The following CMTM4 variants were observed in gnomAD, a reference collection of about 807,000 sequenced individuals.
The protein encoded by CMTM4 is CKLF like MARVEL transmembrane domain containing 4, also known as CKLF-like MARVEL transmembrane domain-containing protein 4.
Under a neutral mutation model 19.0 loss-of-function variants are expected in CMTM4, and 8 were observed. The observed-to-expected ratio is 0.42, with a 90% confidence interval of 0.25 to 0.76. The LOEUF is 0.76. Among genes scored for constraint, CMTM4 ranks in the 30% least tolerant of loss-of-function variants. CMTM4 has a pLI of 0.27. For missense variants in CMTM4, 228 were observed against 290.2 expected (o/e 0.79, Z 1.56); for synonymous variants, 106 against 121.1 (o/e 0.88, Z 0.82).
chr16:66,609,623 GC>G, the CMTM4 span: 3 of 1,512,924 alleles, frequency 2.0e-6, no homozygotes, highest in Non-Finnish European at 1.8e-6. This position sits in a 1 kb window ranked among gnomAD's most constrained non-coding sequence, Gnocchi z 4.4. Context: ...CCCTGCTGGG[GC>G]CCCCCTGGGG....
chr16:66,631,154 C>T (rs944285154), intron 2 of CMTM4, among the ~76,000 whole-genome samples: 5 of 151,746 alleles, frequency 3.3e-5, no homozygotes, highest in South Asian at 2.1e-4. Context: ...GCCACCCCGT[C>T]CGGGAGGGAG....
intron 1 of CMTM4, among the ~76,000 whole-genome samples, chr16:66,695,117 AG>A (rs370404867): frequency 1.3e-5 from 2 of 152,306 alleles, no homozygotes; most frequent in African/African-American, 4.8e-5. Flanking sequence ...GAAACCAAGG[AG>A]GGGTGATCGC....
rs973500408 is a variant in CMTM4 at position 66,621,229 on chromosome 16, C to A, written c.*829G>T. 1.0e-6 allele frequency: 1 copy of A among 985,578 alleles called. No individual in the cohort carries two copies. 61.1% of individuals were successfully genotyped at this position (985,578 alleles called of 1,614,324 possible). A position where few individuals can be genotyped will look rare whatever the true frequency, so the allele number is the denominator to read the frequency against. ...TCCCACCTGCGGTTCATGAAGCCAG[C>A]AAATGGGCAAGTGCTTTGGCTGGTG... On this transcript the variant is annotated 3_prime_UTR_variant, in exon 4 of 4. Coordinates refer to ENST00000394106, the MANE Select transcript of CMTM4 (RefSeq NM_181521.3).
intron 1 of CMTM4, among the ~76,000 whole-genome samples, chr16:66,669,486 A>C (rs1246309024): frequency 6.6e-6 from 1 of 150,638 alleles, no homozygotes; most frequent in Non-Finnish European, 1.5e-5. Flanking sequence ...AAAAAAAAAG[A>C]GCATGTGAAG....
chr16:66,693,775 C>T (rs1178872177), intron 1 of CMTM4, among the ~76,000 whole-genome samples: 1 of 152,174 alleles, frequency 6.6e-6, no homozygotes, highest in Non-Finnish European at 1.5e-5. Flanking sequence ...AATCCAGGCA[C>T]ATTGGGAGGC....
intron 1 of CMTM4, among the ~76,000 whole-genome samples, chr16:66,675,658 A>G (rs971694671): frequency 1.3e-5 from 2 of 151,858 alleles, no homozygotes; most frequent in Non-Finnish European, 2.9e-5. Context: ...AGCTTTTCCA[A>G]AGCATCTAGT....
chr16:66,601,783 A>C, the CMTM4 span, among the ~76,000 whole-genome samples: 91 of 152,356 alleles, frequency 6.0e-4, 1 homozygote, highest in Admixed American at 5.3e-3. Context: ...CTGGGAGGGC[A>C]GGTGGGGGCC....
the CMTM4 span, chr16:66,609,309 G>A: frequency 1.3e-6 from 1 of 772,682 alleles, no homozygotes. This position sits in a 1 kb window ranked among gnomAD's most constrained non-coding sequence, Gnocchi z 4.4. Flanking sequence ...TGTGGGTGGG[G>A]CCAGGATGGG....
At chr16:66,635,338 A>G (rs2015969945) in intron 2 of CMTM4, among the ~76,000 whole-genome samples, 1 of 152,184 alleles carries the variant, frequency 6.6e-6, no homozygotes, top group Admixed American at 6.5e-5. Context: ...ACTGATATCT[A>G]CTTTTCTAGA....
intron 2 of CMTM4, among the ~76,000 whole-genome samples, chr16:66,633,120 T>TATATATATATAAATATATATATATAA (rs1567408503): frequency 1.8e-5 from 2 of 112,652 alleles, no homozygotes; most frequent in African/African-American, 6.3e-5. Context: ...TATATATAAA[T>TATATATATATAAATATATATATATAA]ATATATATAT....
chr16:66,622,357 A>G lies in CMTM4; in HGVS notation c.463-135T>C. The G allele has an allele frequency of 1.0e-6, 1 of 953,748 alleles. No individual in the cohort carries two copies. The highest frequency in any genetic ancestry group is 1.6e-6 in the Non-Finnish European group (1 of 645,004). The allele number at this position is 953,748 out of a possible 1,614,324, so 59.1% of individuals were successfully genotyped here. Reference sequence around the variant, plus strand: ...TACAACCCTGTGCCTTCATTCCTTGATCTCTTCCCCCTCTCAGCAGCCCCA... The same window carrying G: ...TACAACCCTGTGCCTTCATTCCTTGGTCTCTTCCCCCTCTCAGCAGCCCCA... On this transcript the variant is annotated intron_variant, in intron 3 of 3. Transcript: ENST00000394106. This position sits in a 1 kb window ranked among gnomAD's most constrained non-coding sequence, Gnocchi z 4.0.
downstream of CMTM4, chr16:66,613,438 G>A (rs1002785603): frequency 2.3e-5 from 8 of 354,582 alleles, no homozygotes; most frequent in South Asian, 1.4e-4. Flanking sequence ...GCAGGCAGGA[G>A]TTCCTGGACC....
intron 1 of CMTM4, among the ~76,000 whole-genome samples, chr16:66,642,656 C>A (rs1047628223): frequency 6.6e-6 from 1 of 152,090 alleles, no homozygotes; most frequent in African/African-American, 2.4e-5. Flanking sequence ...GTAGAGTTTG[C>A]AATGAGCCGA....
the CMTM4 span, chr16:66,604,848 G>A: frequency 2.9e-6 from 4 of 1,362,568 alleles, no homozygotes; most frequent in Non-Finnish European, 3.8e-6. Flanking sequence ...CCCCGAGCCT[G>A]CCGGCGGCTC....
At position 66,620,292 on chromosome 16, in the gene CMTM4, C is replaced by G; in HGVS notation, c.*1766G>C. On this transcript the variant is annotated 3_prime_UTR_variant, in exon 4 of 4. Transcript: ENST00000394106. ...CTCAACAGACCTGACAGGCAGCACACCCAGCTGTGAGCTGGCCTGGCTGCC... is the reference window on the plus strand; with the variant it reads ...CTCAACAGACCTGACAGGCAGCACAGCCAGCTGTGAGCTGGCCTGGCTGCC... 1.0e-6 allele frequency: 1 copy of G among 985,442 alleles called. No individual in the cohort carries two copies. The highest frequency in any genetic ancestry group is 4.7e-5 in the South Asian group (1 of 21,274). 61.0% of individuals were successfully genotyped at this position (985,442 alleles called of 1,614,324 possible).
At chr16:66,612,965 C>A (rs1484184015), downstream of CMTM4, 2 of 683,032 alleles carry the variant, frequency 2.9e-6, no homozygotes, top group Admixed American at 2.1e-5. The surrounding 1 kb of genome is among the most constrained non-coding windows in gnomAD (Gnocchi z 6.0). Flanking sequence ...TGTATCTGGG[C>A]AGCAGGTGTT....
chr16:66,652,241 G>C (rs1425157761), intron 1 of CMTM4, among the ~76,000 whole-genome samples: 1 of 152,210 alleles, frequency 6.6e-6, no homozygotes, highest in African/African-American at 2.4e-5. Context: ...GCGCAGGCAA[G>C]GCTGGGGTGC....
rs531615033 is a variant in CMTM4, at chr16:66,626,872, G to A, written c.364-3370C>T. On this transcript the variant is annotated intron_variant, in intron 2 of 3. Coordinates refer to ENST00000394106, the MANE Select transcript of CMTM4 (RefSeq NM_181521.3). ...TCCCAACACTTGGGAGGCTGAGGTG[G>A]GTGGATTGTTTGAGCTCAGGAGTTC... Among the ~76,000 whole-genome samples the A allele has an allele frequency of 7.2e-5, 11 of 152,158 alleles. No individual in the cohort carries two copies. The South Asian group carries it at 1.9e-3, about 26-fold the overall frequency.
At chr16:66,642,912 T>A (rs144935317) in intron 1 of CMTM4, among the ~76,000 whole-genome samples, 1 of 152,296 alleles carries the variant, frequency 6.6e-6, no homozygotes, top group African/African-American at 2.4e-5. Context: ...CAGGCAATAA[T>A]GAAATAGCAA....
Sources: gnomAD v4.1 joint callset for allele counts (sites outside exome capture counted in the v4.1 genomes callset) on GRCh38, gnomAD v4.1.1 for gene constraint, Gnocchi (gnomAD v3.1) non-coding constraint, MANE v1.5 for transcripts, NCBI Gene and HGNC (gene_info 2026-07-23, HGNC 2026-07-21) for gene names.